Variants in ABCD3 observed in about 807,000 individuals in gnomAD.
ABCD3 encodes ATP binding cassette subfamily D member 3, also known as ATP-binding cassette sub-family D member 3.
Under a neutral mutation model 105.5 loss-of-function variants are expected in ABCD3, and 41 were observed. That is an observed-to-expected ratio of 0.39 (90% CI 0.30 to 0.50). The LOEUF (loss-of-function observed/expected upper bound fraction) is 0.50, where lower values mean the gene tolerates loss of function less well. Among genes scored for constraint, ABCD3 ranks in the 20% least tolerant of loss-of-function variants. ABCD3 has a pLI of 0.84. For missense variants in ABCD3, 622 were observed against 806.3 expected (o/e 0.77, Z 2.77); for synonymous variants, 258 against 269.0 (o/e 0.96, Z 0.40).
chr1:94,461,984 C>G (rs1647894929), intron 2 of ABCD3, among the ~76,000 whole-genome samples: 2 of 152,180 alleles, frequency 1.3e-5, no homozygotes, highest in Admixed American at 1.3e-4. Context: ...ACTGCTATTT[C>G]AAACATCTTT....
Position 94,506,598 on chromosome 1 carries a change from G to A in ABCD3, c.1801G>A (p.Val601Ile). 1 of 1,613,082 alleles carries A rather than the reference G, an allele frequency of 6.2e-7. No homozygotes were observed. The highest frequency in any genetic ancestry group is 1.1e-5 in the South Asian group (1 of 91,080). The change falls in exon 21 of 23, where the codon GTT becomes ATT. Residue 601 changes from valine (V) to isoleucine (I), a missense_variant. Val to Ile is a conservative substitution (Grantham distance 29). Transcript: ENST00000370214. ...CATTTTGGATGAATGCACAAGTGCA[G>A]TTAGTGTCGACGTGGAAGGCTACAT... ...FAILDECTSA[V>I]SVDVEGYIYS...
At chr1:94,489,623 A>G in intron 13 of ABCD3, 102 bp from the exon 14 acceptor site, 1 of 827,904 alleles carries the variant, frequency 1.2e-6, no homozygotes, top group Non-Finnish European at 2.0e-6. Flanking sequence ...AGGTTACTTC[A>G]TTTATACTAA....
rs917910619 is a variant in ABCD3, at chr1:94,477,866, T to C, written c.628-393T>C. ...GCTCCTCACTTTACAGGTGAAGATA[T>C]GTAGAAACAAACTGGTAGCAGATTT... On this transcript the variant is annotated intron_variant, in intron 7 of 22. Transcript: ENST00000370214. 7.2e-5 allele frequency among the ~76,000 whole-genome samples: 11 copies of C among 152,330 alleles called. No homozygotes were observed. In the East Asian group the frequency reaches 1.2e-3, roughly 16 times the overall value.
chr1:94,424,382 A>G (rs1659386288), intron 1 of ABCD3, among the ~76,000 whole-genome samples: 2 of 152,110 alleles, frequency 1.3e-5, no homozygotes, highest in South Asian at 4.1e-4. Context: ...TTTTTCAGAC[A>G]TCCTTTTAGT....
chr1:94,464,190 A>G lies in ABCD3; in HGVS notation c.148-585A>G, dbSNP rs372756575. Among the ~76,000 whole-genome samples, 4 of 152,308 alleles carry G rather than the reference A, an allele frequency of 2.6e-5. No individual in the cohort carries two copies. In the East Asian group the frequency reaches 7.7e-4, roughly 29 times the overall value. On this transcript the variant is annotated intron_variant, in intron 2 of 22. Transcript: ENST00000370214. Reference sequence around the variant, plus strand: ...CTAGAATGTGAGCTGCATAAGTGAAAGAACCTTGTCTGTCTTTGAATTTTA... The same window carrying G: ...CTAGAATGTGAGCTGCATAAGTGAAGGAACCTTGTCTGTCTTTGAATTTTA...
chr1:94,396,383 C>G, the ABCD3 span, among the ~76,000 whole-genome samples: 1 of 152,230 alleles, frequency 6.6e-6, no homozygotes, highest in South Asian at 2.1e-4. Flanking sequence ...ATCTCACTTA[C>G]TGAACTTTAA....
the ABCD3 span, among the ~76,000 whole-genome samples, chr1:94,411,276 C>G: frequency 6.6e-6 from 1 of 151,996 alleles, no homozygotes; most frequent in Non-Finnish European, 1.5e-5. Flanking sequence ...ATTTTTACAA[C>G]TCAACAACAA....
chr1:94,516,449 C>T (rs1248316395), intron 22 of ABCD3, among the ~76,000 whole-genome samples: 1 of 151,788 alleles, frequency 6.6e-6, no homozygotes, highest in East Asian at 1.9e-4. Context: ...TATGTTTTCT[C>T]GGAAGTTCAT....
At chr1:94,486,170 C>T (rs928929336) in intron 10 of ABCD3, among the ~76,000 whole-genome samples, 3 of 151,970 alleles carry the variant, frequency 2.0e-5, no homozygotes, top group African/African-American at 4.8e-5. Context: ...CCAGCCTTGG[C>T]GACAGAGTGA....
chr1:94,418,801 C>G (rs1659130721), intron 1 of ABCD3: 4 of 585,140 alleles, frequency 6.8e-6, no homozygotes, highest in African/African-American at 5.8e-5. Flanking sequence ...CGACCTCGCT[C>G]CACCCCGGGA....
At chr1:94,420,104 A>C (rs1659200998) in intron 1 of ABCD3, among the ~76,000 whole-genome samples, 1 of 152,218 alleles carries the variant, frequency 6.6e-6, no homozygotes, top group South Asian at 2.1e-4. Context: ...GATTACTTTT[A>C]TGATTATATG....
Position 94,517,109 on chromosome 1 carries a change from A to G in ABCD3, c.1960A>G (p.Thr654Ala), listed in dbSNP as rs1426258743. The change falls in exon 23 of 23, where the codon ACA (threonine) becomes GCA (alanine). Residue 654 changes from threonine (T) to alanine (A), a missense_variant. Coordinates refer to ENST00000370214, the MANE Select transcript of ABCD3 (RefSeq NM_002858.4). ...NYEFKQITED[T>A]VEFGS is the part of the protein sequence containing the mutation. Reference sequence around the variant, plus strand: ...TGAATTCAAACAGATAACAGAAGATACAGTTGAGTTTGGCTCTTAGAGAAA... The same window carrying G: ...TGAATTCAAACAGATAACAGAAGATGCAGTTGAGTTTGGCTCTTAGAGAAA... The G allele has an allele frequency of 2.5e-6, 4 of 1,610,272 alleles. No individual in the cohort carries two copies. Among genetic ancestry groups the G allele is most frequent in the Non-Finnish European group, 8.5e-7 (1 of 1,176,974 alleles).
At chr1:94,472,454 GTTT>G (rs4148072) in intron 4 of ABCD3, among the ~76,000 whole-genome samples, 1 of 143,828 alleles carries the variant, frequency 7.0e-6, no homozygotes, top group African/African-American at 2.5e-5. Flanking sequence ...TGTAGTTAGC[GTTT>G]TTTTTTTTTT....
chr1:94,477,895 G>T (rs1466241124), intron 7 of ABCD3, among the ~76,000 whole-genome samples: 4 of 152,142 alleles, frequency 2.6e-5, no homozygotes, highest in African/African-American at 7.2e-5. Flanking sequence ...CAGATTTGGG[G>T]TTACATCTCA....
chr1:94,419,662 T>C (rs1659179475), intron 1 of ABCD3, among the ~76,000 whole-genome samples: 1 of 152,196 alleles, frequency 6.6e-6, no homozygotes, highest in African/African-American at 2.4e-5. Context: ...TAATTAGTAG[T>C]AAAATTTGGG....
the ABCD3 span, among the ~76,000 whole-genome samples, chr1:94,397,531 T>G: frequency 6.6e-6 from 1 of 152,180 alleles, no homozygotes; most frequent in Admixed American, 6.6e-5. Flanking sequence ...GTTATGGACT[T>G]TTTGGGAGAA....
chr1:94,475,657 G>A lies in ABCD3; in HGVS notation c.547G>A (p.Ala183Thr), dbSNP rs566740164. 6.2e-7 allele frequency: 1 copy of A among 1,612,044 alleles called. No homozygotes were observed. Among genetic ancestry groups the A allele is most frequent in the East Asian group, 2.2e-5 (1 of 44,748 alleles). The change falls in exon 7 of 23, where the codon GCT becomes ACT. Residue 183 changes from alanine to threonine, a missense_variant. Physicochemically the swap from Ala to Thr is moderately conservative, Grantham distance 58. Coordinates refer to ENST00000370214, the MANE Select transcript of ABCD3 (RefSeq NM_002858.4). ...AATGGGGAATCTGGACAACAGAATA[G>A]CTAATCCAGACCAGCTGCTTACACA... Reference protein sequence around the residue: ...YKMGNLDNRIANPDQLLTQDV... With the variant: ...YKMGNLDNRITNPDQLLTQDV...
intron 1 of ABCD3, among the ~76,000 whole-genome samples, chr1:94,441,735 G>GA (rs1660140587): frequency 6.6e-6 from 1 of 152,112 alleles, no homozygotes; most frequent in Non-Finnish European, 1.5e-5. Context: ...AAGTACAAAA[G>GA]ACTAGATATG....
intron 1 of ABCD3, 33 bp from the exon 2 acceptor site, chr1:94,458,569 ATAAAG>A: frequency 6.3e-7 from 1 of 1,585,272 alleles, no homozygotes; most frequent in Non-Finnish European, 8.7e-7. Flanking sequence ...CACTTTTCAC[ATAAAG>A]TAAAGCTCTC....
Sources: allele counts gnomAD v4.1 joint callset (sites outside exome capture counted in the v4.1 genomes callset), GRCh38; gene constraint gnomAD v4.1.1; transcripts MANE v1.5; gene names NCBI Gene and HGNC (gene_info 2026-07-23, HGNC 2026-07-21).